The following LIN28B variants were observed in gnomAD, a reference collection of about 807,000 sequenced individuals.
LIN28B encodes the protein lin-28 RNA binding posttranscriptional regulator B, also known as protein lin-28 homolog B.
In LIN28B, 5 loss-of-function variants were observed where a neutral mutation model predicts 21.9. The observed-to-expected ratio is 0.23, with a 90% confidence interval of 0.12 to 0.48. The LOEUF (loss-of-function observed/expected upper bound fraction) is 0.48, where lower values mean the gene tolerates loss of function less well. LIN28B is among the 20% of genes least tolerant of loss of function. The pLI, the probability that LIN28B is intolerant of heterozygous loss-of-function variation, is 0.98. For missense variants in LIN28B, 245 were observed against 310.5 expected, an observed-to-expected ratio of 0.79 and a Z score of 1.58; for synonymous variants, 109 against 111.3, an observed-to-expected ratio of 0.98 and a Z score of 0.13.
chr6:104,973,086 G>C (rs1416627379), intron 2 of LIN28B, among the ~76,000 whole-genome samples: 1 of 151,840 alleles, frequency 6.6e-6, no homozygotes, highest in Non-Finnish European at 1.5e-5. Context: ...ACTCCAGCCT[G>C]GGGGATAGAG....
At chr6:105,073,070 C>T (rs993485389) in intron 3 of LIN28B, among the ~76,000 whole-genome samples, 3 of 152,122 alleles carry the variant, frequency 2.0e-5, no homozygotes, top group Non-Finnish European at 4.4e-5. Context: ...GGATCCTTTG[C>T]TTGTCAGCTC....
At chr6:104,944,849 A>AT (rs1778137914) in intron 2 of LIN28B, among the ~76,000 whole-genome samples, 1 of 152,160 alleles carries the variant, frequency 6.6e-6, no homozygotes, top group Non-Finnish European at 1.5e-5. Context: ...GACAAAGGGC[A>AT]TGCAGCTCAT....
chr6:104,995,326 C>T (rs1488928178), intron 2 of LIN28B, among the ~76,000 whole-genome samples: 4 of 152,088 alleles, frequency 2.6e-5, no homozygotes, highest in Non-Finnish European at 4.4e-5. Context: ...AGAGAGGAGG[C>T]AAGCATACGA....
chr6:105,012,355 G>A (rs1253102430), intron 2 of LIN28B, among the ~76,000 whole-genome samples: 1 of 151,658 alleles, frequency 6.6e-6, no homozygotes, highest in African/African-American at 2.4e-5. Flanking sequence ...TGTAATCCCA[G>A]CTACTCAGGA....
chr6:104,961,312 A>G (rs1224005147), intron 2 of LIN28B, among the ~76,000 whole-genome samples: 1 of 152,198 alleles, frequency 6.6e-6, no homozygotes, highest in Admixed American at 6.5e-5. Flanking sequence ...TTTTAAATAT[A>G]TTTAAGAATT....
chr6:104,975,021 T>C (rs1237618887), intron 2 of LIN28B, among the ~76,000 whole-genome samples: 1 of 152,104 alleles, frequency 6.6e-6, no homozygotes, highest in African/African-American at 2.4e-5. Context: ...GGTTTCACCA[T>C]GTTGGCCAGG....
intron 3 of LIN28B, among the ~76,000 whole-genome samples, chr6:105,065,600 T>G (rs554364838): frequency 6.6e-6 from 1 of 152,240 alleles, no homozygotes; most frequent in Middle Eastern, 3.2e-3. Flanking sequence ...ACCAAACTTA[T>G]CGATCATTAG....
chr6:105,034,786 A>G (rs1771493574), intron 3 of LIN28B, among the ~76,000 whole-genome samples: 1 of 152,112 alleles, frequency 6.6e-6, no homozygotes, highest in Admixed American at 6.5e-5. Flanking sequence ...TAGAGCCATA[A>G]TTTTGTGGCC....
chr6:104,950,579 C>A, intron 3 of LIN28B: 2 of 900,118 alleles, frequency 2.2e-6, no homozygotes, highest in Non-Finnish European at 2.9e-6. Context: ...TCGCTAGAGG[C>A]ATATGAGAAC....
chr6:105,068,968 G>A (rs1046638621), intron 3 of LIN28B, among the ~76,000 whole-genome samples: 12 of 152,278 alleles, frequency 7.9e-5, no homozygotes, highest in Admixed American at 3.9e-4. Context: ...TGTAATCCCA[G>A]CACTTTGGGA....
At chr6:104,958,723 C>G (rs1444600384) in intron 2 of LIN28B, among the ~76,000 whole-genome samples, 3 of 152,202 alleles carry the variant, frequency 2.0e-5, no homozygotes, top group East Asian at 3.9e-4. Context: ...TTAGACACCT[C>G]TAGTCACAGT....
At chr6:105,036,995 GT>G (rs1771534685) in intron 3 of LIN28B, among the ~76,000 whole-genome samples, 1 of 152,104 alleles carries the variant, frequency 6.6e-6, no homozygotes, top group Admixed American at 6.6e-5. Flanking sequence ...TTATGACATT[GT>G]TCAGAGTATC....
chr6:105,009,410 G>C (rs1429478341), intron 2 of LIN28B, among the ~76,000 whole-genome samples: 1 of 152,122 alleles, frequency 6.6e-6, no homozygotes, highest in Non-Finnish European at 1.5e-5. Flanking sequence ...CACTCTTTCA[G>C]ATGATGGTGG....
intron 1 of LIN28B, 77 bp from the exon 2 acceptor site, chr6:104,958,022 G>A: frequency 9.3e-7 from 1 of 1,070,536 alleles, no homozygotes; most frequent in South Asian, 3.1e-5. Context: ...CCCCAGGCAG[G>A]CAATTTTTTT....
chr6:105,083,109 C>T lies in LIN28B; in HGVS notation c.*4326C>T, dbSNP rs532655375. On this transcript the variant is annotated 3_prime_UTR_variant, in exon 4 of 4. Transcript: ENST00000345080. The stretch of plus-strand genomic sequence containing the variant: ...TGTTGTTTACAAGTGAAAATAAAAA[C>T]ACTTGAACTGTATGTTTTTAAAAGA... The T allele has an allele frequency of 6.7e-6, 1 of 150,224 alleles. No individual in the cohort carries two copies. Among genetic ancestry groups the T allele is most frequent in the African/African-American group, 2.4e-5 (1 of 41,490 alleles). The allele number at this position is 150,224 out of a possible 1,614,324, so 9.3% of individuals were successfully genotyped here.
chr6:105,033,545 T>C (rs551595299), intron 3 of LIN28B, among the ~76,000 whole-genome samples: 1 of 152,192 alleles, frequency 6.6e-6, no homozygotes, highest in Admixed American at 6.5e-5. Flanking sequence ...AGGTAGTAAA[T>C]ATTGTGTTGT....
At chr6:105,041,956 T>C (rs1243794468) in intron 3 of LIN28B, among the ~76,000 whole-genome samples, 1 of 152,132 alleles carries the variant, frequency 6.6e-6, no homozygotes, top group East Asian at 1.9e-4. Flanking sequence ...ATTAAAATAG[T>C]TCAGATACAT....
chr6:105,070,379 T>TC (rs1276389233), intron 3 of LIN28B, among the ~76,000 whole-genome samples: 1 of 152,170 alleles, frequency 6.6e-6, no homozygotes, highest in Non-Finnish European at 1.5e-5. Flanking sequence ...TTGCTCTTTT[T>TC]TAATTACACA....
chr6:105,045,986 G>T (rs188095375), intron 3 of LIN28B, among the ~76,000 whole-genome samples: 30 of 152,040 alleles, frequency 2.0e-4, no homozygotes, highest in African/African-American at 6.8e-4. Context: ...GTTAGTAATT[G>T]TAACTAATAC....
Sources: gnomAD v4.1 joint callset for allele counts (sites outside exome capture counted in the v4.1 genomes callset) on GRCh38, gnomAD v4.1.1 for gene constraint, MANE v1.5 for transcripts, NCBI Gene and HGNC (gene_info 2026-07-23, HGNC 2026-07-21) for gene names.